Variants in ANAPC10 observed in about 807,000 individuals in gnomAD.
The protein encoded by ANAPC10 is anaphase-promoting complex subunit 10.
Under a neutral mutation model 22.0 loss-of-function variants are expected in ANAPC10, and 12 were observed. The ratio of observed to expected loss-of-function variants is 0.55; its 90% CI spans 0.35 to 0.88. The LOEUF (loss-of-function observed/expected upper bound fraction) is 0.88, where lower values mean the gene tolerates loss of function less well. Ranked by LOEUF, ANAPC10 falls within the 40% of genes least tolerant of loss-of-function variation. The pLI is 0.01. For missense variants in ANAPC10, 188 were observed against 220.9 expected (o/e 0.85, Z 0.94); for synonymous variants, 65 against 69.5 (o/e 0.94, Z 0.32).
chr4:145,035,468 G>C (rs558099472), intron 4 of ANAPC10: 14 of 152,344 alleles, frequency 9.2e-5, no homozygotes, highest in African/African-American at 3.1e-4. Flanking sequence ...ATTATCTACT[G>C]CTTCACACCA....
chr4:145,036,222 G>A (rs996815905), intron 4 of ANAPC10, among the ~76,000 whole-genome samples: 5 of 152,106 alleles, frequency 3.3e-5, no homozygotes, highest in African/African-American at 1.2e-4. Flanking sequence ...GTAAGATGAA[G>A]ATAAGGGAAG....
At chr4:145,052,998 T>C (rs1269526552) in intron 4 of ANAPC10, among the ~76,000 whole-genome samples, 1 of 152,076 alleles carries the variant, frequency 6.6e-6, no homozygotes, top group African/African-American at 2.4e-5. Context: ...CAGTGTACTA[T>C]AAATACTATT....
intron 4 of ANAPC10, among the ~76,000 whole-genome samples, chr4:145,020,118 A>G (rs1054980371): frequency 1.3e-5 from 2 of 152,142 alleles, no homozygotes; most frequent in African/African-American, 4.8e-5. Flanking sequence ...CAAAACCAGG[A>G]AAGGACATAA....
intron 4 of ANAPC10, among the ~76,000 whole-genome samples, chr4:144,996,901 A>G (rs1401944532): frequency 6.6e-6 from 1 of 152,212 alleles, no homozygotes; most frequent in Non-Finnish European, 1.5e-5. Flanking sequence ...AAATGACCCC[A>G]TGAAGCTGAA....
Position 144,995,577 on chromosome 4 carries a change from G to T in ANAPC10, c.354C>A (p.Gly118=). 6.2e-7 allele frequency: 1 copy of T among 1,612,138 alleles called. No individual in the cohort carries two copies. ...TGTCAGTTAAGGGAACATGAATCCA[G>T]CCACTTGGTTCCACCAACTCAAGTT... ...IRQLELVEPS[G]WIHVPLTDNH... The change falls in exon 5 of 5, where the codon GGC becomes GGA. Residue 118 remains glycine, a synonymous_variant. Transcript: ENST00000507656.
At chr4:145,010,368 G>C (rs1734102833) in intron 4 of ANAPC10, among the ~76,000 whole-genome samples, 1 of 152,094 alleles carries the variant, frequency 6.6e-6, no homozygotes, top group Admixed American at 6.5e-5. Context: ...AAAGACACAC[G>C]CACACTTATG....
At chr4:145,095,748 TTTTA>T (rs1243684745) in intron 2 of ANAPC10, among the ~76,000 whole-genome samples, 2 of 152,240 alleles carry the variant, frequency 1.3e-5, no homozygotes, top group African/African-American at 2.4e-5. Flanking sequence ...AATTGTTCTA[TTTTA>T]TTATTAATTA....
At chr4:145,029,728 C>T (rs1406609966) in intron 4 of ANAPC10, among the ~76,000 whole-genome samples, 1 of 152,048 alleles carries the variant, frequency 6.6e-6, no homozygotes, top group Non-Finnish European at 1.5e-5. Context: ...ACCTGATCTC[C>T]CTTTGTTTAA....
In ANAPC10 at chr4:145,080,661, C is replaced by T. The variant is rs189087451; in HGVS notation, c.206+999G>A. On this transcript the variant is annotated intron_variant, in intron 3 of 4. Transcript: ENST00000507656. ...CAGTGGCTCACGCCTGTAATCCCAGCACTTTGGGAGGCCGAGGCGGGTTGA... is the reference window on the plus strand; with the variant it reads ...CAGTGGCTCACGCCTGTAATCCCAGTACTTTGGGAGGCCGAGGCGGGTTGA... 3.8e-3 allele frequency among the ~76,000 whole-genome samples: 575 copies of T among 152,290 alleles called. 2 individuals are homozygous for T. The highest frequency in any genetic ancestry group is 0.01 in the Middle Eastern group (3 of 292).
chr4:145,037,946 CAA>C (rs36071811), intron 4 of ANAPC10, among the ~76,000 whole-genome samples: 11 of 71,652 alleles, frequency 1.5e-4, no homozygotes, highest in East Asian at 3.4e-4. Flanking sequence ...AACCCTGTCT[CAA>C]AAAAAAAAAA....
intron 3 of ANAPC10, among the ~76,000 whole-genome samples, chr4:145,072,874 A>G (rs1055451777): frequency 6.6e-6 from 1 of 151,968 alleles, no homozygotes; most frequent in Non-Finnish European, 1.5e-5. Context: ...CACTGTGATT[A>G]AGCCTAGTAT....
chr4:145,053,555 G>A (rs1214250470), intron 4 of ANAPC10: 3 of 407,640 alleles, frequency 7.4e-6, no homozygotes, highest in Non-Finnish European at 1.3e-5. Flanking sequence ...GCTAAGCTAC[G>A]GTTTCTGTTT....
intron 4 of ANAPC10, among the ~76,000 whole-genome samples, chr4:145,001,368 A>G (rs1732543851): frequency 6.6e-6 from 1 of 152,176 alleles, no homozygotes; most frequent in South Asian, 2.1e-4. Flanking sequence ...AGCCACAAAA[A>G]GACAAATACT....
intron 4 of ANAPC10, chr4:145,035,450 AC>A (rs1182341865): frequency 6.6e-6 from 1 of 152,248 alleles, no homozygotes; most frequent in East Asian, 1.9e-4. Context: ...TAGATCATAT[AC>A]ATTGTCATTA....
chr4:145,086,677 G>C (rs1746946671), intron 2 of ANAPC10, among the ~76,000 whole-genome samples: 1 of 152,006 alleles, frequency 6.6e-6, no homozygotes, highest in Admixed American at 6.6e-5. Context: ...TCAGTACAGG[G>C]GATGTCCAGT....
At chr4:145,054,353 C>T (rs1414496816) in intron 4 of ANAPC10, among the ~76,000 whole-genome samples, 1 of 149,696 alleles carries the variant, frequency 6.7e-6, no homozygotes, top group Non-Finnish European at 1.5e-5. Context: ...AGATCGAGAC[C>T]ATCCTGGCCA....
chr4:145,006,140 T>C (rs1733308841), intron 4 of ANAPC10, among the ~76,000 whole-genome samples: 4 of 152,214 alleles, frequency 2.6e-5, no homozygotes, highest in Admixed American at 2.6e-4. Flanking sequence ...TGCTTCTGTG[T>C]TGACTGCATA....
intron 4 of ANAPC10, among the ~76,000 whole-genome samples, chr4:145,045,824 C>T (rs892437406): frequency 4.6e-5 from 7 of 151,974 alleles, no homozygotes; most frequent in Non-Finnish European, 8.8e-5. Flanking sequence ...TGTCTTAATG[C>T]CATGGGTATC....
At chr4:145,086,780 G>A (rs1316103698) in intron 2 of ANAPC10, among the ~76,000 whole-genome samples, 1 of 146,202 alleles carries the variant, frequency 6.8e-6, no homozygotes, top group Non-Finnish European at 1.5e-5. Context: ...CCACCCTCAT[G>A]TCCCCAGTAA....
Sources: allele counts gnomAD v4.1 joint callset (sites outside exome capture counted in the v4.1 genomes callset), GRCh38; gene constraint gnomAD v4.1.1; transcripts MANE v1.5; gene names NCBI Gene and HGNC (gene_info 2026-07-23, HGNC 2026-07-21).